CTNND2: variants seen among roughly 807,000 people sequenced by gnomAD.
CTNND2 encodes catenin delta-2.
Under a neutral mutation model 144.4 loss-of-function variants are expected in CTNND2, and 22 were observed. The observed-to-expected ratio is 0.15, with a 90% CI of 0.11 to 0.22. CTNND2 has a LOEUF of 0.22. Among genes scored for constraint, CTNND2 ranks in the 10% least tolerant of loss-of-function variants. The pLI, the probability that CTNND2 is intolerant of heterozygous loss-of-function variation, is 1.00. For missense variants in CTNND2, 1,353 were observed against 1,618.8 expected (o/e 0.84, Z 2.82); for synonymous variants, 751 against 695.6 (o/e 1.08, Z -1.25).
At chr5:11,428,126 A>AT (rs1762957511) in intron 3 of CTNND2, among the ~76,000 whole-genome samples, 1 of 152,196 alleles carries the variant, frequency 6.6e-6, no homozygotes, top group African/African-American at 2.4e-5. Context: ...GGTCCCTCCT[A>AT]TAACACGTGG....
At chr5:11,296,091 AGT>A (rs1371619298) in intron 9 of CTNND2, among the ~76,000 whole-genome samples, 24,091 of 114,856 alleles carry the variant, frequency 0.21, 3,375 homozygotes, top group Middle Eastern at 0.31. Flanking sequence ...TCATCTGACA[AGT>A]ACTAATATCC....
Position 11,397,191 on chromosome 5 carries a change from A to G in CTNND2, c.452T>C (p.Leu151Pro). Residue 151 changes from leucine (L) to proline (P), a missense_variant, in exon 6 of 22, where the codon CTC becomes CCC. Transcript: ENST00000304623. Reference protein sequence around the residue: ...DYSTGERPSLLSQSALQLNSK... With the variant: ...DYSTGERPSLPSQSALQLNSK... ...ATTGAGCTGAAGTGCACTCTGGGAG[A>G]GCAGGCTGGGCCCTGCATTGAAAGT... The G allele has an allele frequency of 6.2e-7, 1 of 1,613,984 alleles. No homozygotes were observed. Among genetic ancestry groups the G allele is most frequent in the Non-Finnish European group, 8.5e-7 (1 of 1,179,898 alleles).
intron 11 of CTNND2, among the ~76,000 whole-genome samples, chr5:11,195,940 G>A (rs1342957302): frequency 6.6e-6 from 1 of 152,134 alleles, no homozygotes; most frequent in African/African-American, 2.4e-5. Flanking sequence ...TTATTGCATA[G>A]GAAGAAAATT....
intron 8 of CTNND2, among the ~76,000 whole-genome samples, chr5:11,347,088 T>C (rs1458849106): frequency 6.6e-6 from 1 of 152,122 alleles, no homozygotes; most frequent in African/African-American, 2.4e-5. Flanking sequence ...TTTTCTTGAA[T>C]CAAAGAAAAT....
chr5:11,041,299 T>C (rs867902526), intron 16 of CTNND2, among the ~76,000 whole-genome samples: 2 of 152,220 alleles, frequency 1.3e-5, no homozygotes, highest in Middle Eastern at 3.2e-3. Context: ...TTAAGAACAT[T>C]CATATTCATT....
At chr5:11,018,755 G>C (rs1479903831) in intron 17 of CTNND2, among the ~76,000 whole-genome samples, 1 of 144,560 alleles carries the variant, frequency 6.9e-6, no homozygotes, top group Non-Finnish European at 1.5e-5. Flanking sequence ...CTGTTGCCTA[G>C]GCTGGAGTGC....
At chr5:11,291,814 T>A (rs1452925206) in intron 9 of CTNND2, among the ~76,000 whole-genome samples, 2 of 152,198 alleles carry the variant, frequency 1.3e-5, no homozygotes, top group Non-Finnish European at 2.9e-5. Flanking sequence ...GTGGAATTAA[T>A]GAAAACATAC....
chr5:11,747,555 T>C (rs1788383797), intron 1 of CTNND2, among the ~76,000 whole-genome samples: 2 of 152,144 alleles, frequency 1.3e-5, no homozygotes, highest in Non-Finnish European at 2.9e-5. Flanking sequence ...TCTCATACAT[T>C]GCATCTGTGC....
At chr5:11,669,989 G>A (rs1260610235) in intron 2 of CTNND2, among the ~76,000 whole-genome samples, 1 of 152,122 alleles carries the variant, frequency 6.6e-6, no homozygotes, top group Non-Finnish European at 1.5e-5. Flanking sequence ...CTTTATTTAT[G>A]CCTTCATTTC....
chr5:11,120,594 G>C (rs1162155160), intron 12 of CTNND2, among the ~76,000 whole-genome samples: 2 of 120,228 alleles, frequency 1.7e-5, no homozygotes, highest in Non-Finnish European at 3.4e-5. Flanking sequence ...TAGACTTCAA[G>C]AGGGGGTTAT....
intron 5 of CTNND2, among the ~76,000 whole-genome samples, chr5:11,403,627 C>A (rs1049594129): frequency 1.3e-5 from 2 of 152,014 alleles, no homozygotes; most frequent in Non-Finnish European, 2.9e-5. Flanking sequence ...AGGTTATTTG[C>A]CATTAAAAAT....
chr5:11,181,914 G>A (rs1735052424), intron 11 of CTNND2, among the ~76,000 whole-genome samples: 1 of 147,022 alleles, frequency 6.8e-6, no homozygotes, highest in Non-Finnish European at 1.5e-5. Flanking sequence ...TGTGTGGTGT[G>A]TGTGGAGGCT....
At chr5:11,272,953 A>G (rs1455882820) in intron 9 of CTNND2, among the ~76,000 whole-genome samples, 1 of 152,156 alleles carries the variant, frequency 6.6e-6, no homozygotes, top group Non-Finnish European at 1.5e-5. Context: ...CACATTTATA[A>G]TCTGTCTGAT....
At chr5:11,321,702 C>T (rs258844) in intron 9 of CTNND2, among the ~76,000 whole-genome samples, 5,863 of 152,096 alleles carry the variant, frequency 0.039, 389 homozygotes, top group African/African-American at 0.13. Context: ...AAATAACCCC[C>T]CAATGCACAT....
intron 2 of CTNND2, among the ~76,000 whole-genome samples, chr5:11,570,152 T>C (rs1226408484): frequency 6.6e-6 from 1 of 152,196 alleles, no homozygotes; most frequent in Non-Finnish European, 1.5e-5. Flanking sequence ...CCGATTTGTA[T>C]AAAACTTCTC....
chr5:11,714,221 G>C (rs1435139463), intron 2 of CTNND2, among the ~76,000 whole-genome samples: 1 of 152,152 alleles, frequency 6.6e-6, no homozygotes, highest in Admixed American at 6.5e-5. Flanking sequence ...AACCCTATCA[G>C]AAACTGACTG....
At chr5:11,843,419 T>C (rs954903145) in intron 1 of CTNND2, among the ~76,000 whole-genome samples, 75 of 152,356 alleles carry the variant, frequency 4.9e-4, no homozygotes, top group Non-Finnish European at 4.0e-4. Flanking sequence ...AACTTCCTCA[T>C]GGATACATTA....
At chr5:11,219,878 C>G (rs1415409638) in intron 10 of CTNND2, among the ~76,000 whole-genome samples, 1 of 152,086 alleles carries the variant, frequency 6.6e-6, no homozygotes, top group Non-Finnish European at 1.5e-5. Context: ...TTCTGTGGTC[C>G]AATTTCAGTA....
chr5:11,331,582 C>T (rs1433463234), intron 9 of CTNND2, among the ~76,000 whole-genome samples: 1 of 151,038 alleles, frequency 6.6e-6, no homozygotes, highest in Non-Finnish European at 1.5e-5. Context: ...GTTAACATTC[C>T]TACCTCATCT....
Sources: allele counts gnomAD v4.1 joint callset (sites outside exome capture counted in the v4.1 genomes callset), GRCh38; gene constraint gnomAD v4.1.1; transcripts MANE v1.5; gene names NCBI Gene and HGNC (gene_info 2026-07-23, HGNC 2026-07-21).